AFF3: variants seen among roughly 807,000 people sequenced by gnomAD.
The protein encoded by AFF3 is AF4/FMR2 family member 3.
A neutral mutation model predicts 129.7 loss-of-function variants in AFF3; 32 were observed. That is an observed-to-expected ratio of 0.25 (90% CI 0.19 to 0.33). AFF3 has a LOEUF of 0.33. AFF3 is among the 10% of genes least tolerant of loss of function. The probability of loss-of-function intolerance (pLI) is 1.00; values close to 1 mark genes in which losing one functional copy is unlikely to be tolerated. For synonymous variants in AFF3, 644 were observed against 635.4 expected, an observed-to-expected ratio of 1.01 and a Z score of -0.20; for missense variants, 1,373 against 1,592.0, an observed-to-expected ratio of 0.86 and a Z score of 2.34.
intron 7 of AFF3, among the ~76,000 whole-genome samples, chr2:99,947,601 AAGATAGATAGATAGAT>A (rs70940190): frequency 0.021 from 2,826 of 136,546 alleles, 64 homozygotes; most frequent in African/African-American, 0.044. Context: ...GAAAGAAAGA[AAGATAGATAGATAGAT>A]AGATAGATAG....
At chr2:99,906,060 C>A (rs1470066657) in intron 7 of AFF3, among the ~76,000 whole-genome samples, 4 of 152,192 alleles carry the variant, frequency 2.6e-5, no homozygotes, top group Admixed American at 2.6e-4. Flanking sequence ...ATACTCTGAC[C>A]TATTCCTACT....
At chr2:99,987,831 T>C (rs1185738709) in intron 7 of AFF3, among the ~76,000 whole-genome samples, 1 of 152,256 alleles carries the variant, frequency 6.6e-6, no homozygotes, top group Non-Finnish European at 1.5e-5. Flanking sequence ...ATAAAGTGTA[T>C]TATTTTCTCA....
intron 4 of AFF3, among the ~76,000 whole-genome samples, chr2:100,073,483 G>C (rs1688361064): frequency 6.6e-6 from 1 of 152,192 alleles, no homozygotes. Context: ...CCCCAGGACT[G>C]CCAGGTGACA....
chr2:99,852,856 T>C (rs1481683117), intron 7 of AFF3, among the ~76,000 whole-genome samples: 1 of 152,158 alleles, frequency 6.6e-6, no homozygotes, highest in Non-Finnish European at 1.5e-5. Flanking sequence ...TTAATCATAA[T>C]AGGTGTAAAA....
intron 1 of AFF3, among the ~76,000 whole-genome samples, chr2:100,132,652 C>T (rs1692469901): frequency 6.6e-6 from 1 of 152,132 alleles, no homozygotes; most frequent in Admixed American, 6.5e-5. Context: ...AAGTGAATAA[C>T]CAGACTCTCG....
chr2:99,660,092 A>G (rs1225166052), intron 12 of AFF3, among the ~76,000 whole-genome samples: 1 of 152,138 alleles, frequency 6.6e-6, no homozygotes, highest in Non-Finnish European at 1.5e-5. Flanking sequence ...TATTTTGTTC[A>G]GTTTGCCAAA....
intron 4 of AFF3, among the ~76,000 whole-genome samples, chr2:100,016,627 T>C (rs1172033594): frequency 6.8e-6 from 1 of 147,524 alleles, no homozygotes; most frequent in Non-Finnish European, 1.5e-5. Flanking sequence ...GTGATGGTGG[T>C]GGTGGTGATG....
At chr2:99,737,443 A>ATT (rs59647228) in intron 10 of AFF3, among the ~76,000 whole-genome samples, 1,686 of 150,682 alleles carry the variant, frequency 0.011, 20 homozygotes, top group South Asian at 0.024. Flanking sequence ...GACTCATTAA[A>ATT]TTTTTTTTTT....
chr2:99,846,249 C>G (rs1016789133), intron 7 of AFF3, among the ~76,000 whole-genome samples: 1 of 152,178 alleles, frequency 6.6e-6, no homozygotes, highest in Non-Finnish European at 1.5e-5. Context: ...CCTGTCCCAG[C>G]CTCCCGAGTA....
chr2:99,809,080 T>TA (rs1489788500), intron 8 of AFF3, among the ~76,000 whole-genome samples: 1 of 152,222 alleles, frequency 6.6e-6, no homozygotes, highest in Non-Finnish European at 1.5e-5. Context: ...GGTGCACTCT[T>TA]ACGTCTTTTC....
rs34653301 is a variant in AFF3 at position 99,789,446 on chromosome 2, C to CAAAA, written c.922-37149_922-37146dup. On this transcript the variant is annotated intron_variant, in intron 8 of 24. Transcript: ENST00000672756. ...AGGTAACAGAGTGAGGCCCTGTCAC[C>CAAAA]AAAAAAAAAAAAAAAAAAAAAAAAG... Among the ~76,000 whole-genome samples the CAAAA allele has an allele frequency of 3.1e-3, 195 of 61,916 alleles. 3 individuals are homozygous for CAAAA. The highest frequency in any genetic ancestry group is 7.9e-3 in the African/African-American group (115 of 14,522). 40.6% of individuals were successfully genotyped at this position (61,916 alleles called of 152,430 possible).
chr2:99,633,305 A>G (rs1683303804), intron 13 of AFF3, among the ~76,000 whole-genome samples: 1 of 152,128 alleles, frequency 6.6e-6, no homozygotes, highest in Non-Finnish European at 1.5e-5. Context: ...GAGGTGTCTC[A>G]GCACAGCAGT....
chr2:99,951,874 G>A (rs934875157), intron 7 of AFF3, among the ~76,000 whole-genome samples: 4 of 152,180 alleles, frequency 2.6e-5, no homozygotes, highest in African/African-American at 9.7e-5. Flanking sequence ...TCAAACTCCT[G>A]ACCTCAGGTG....
intron 12 of AFF3, among the ~76,000 whole-genome samples, chr2:99,650,688 A>C (rs1685152794): frequency 6.6e-6 from 1 of 152,154 alleles, no homozygotes; most frequent in Non-Finnish European, 1.5e-5. Context: ...AGCACAGGGC[A>C]GGTTCTTATA....
intron 11 of AFF3, among the ~76,000 whole-genome samples, chr2:99,714,856 A>T (rs1678234239): frequency 6.6e-6 from 1 of 152,342 alleles, no homozygotes; most frequent in African/African-American, 2.4e-5. Context: ...TAATTAAAAA[A>T]TTTTAATGAA....
intron 7 of AFF3, among the ~76,000 whole-genome samples, chr2:99,843,790 T>C (rs1214192402): frequency 6.6e-6 from 1 of 152,180 alleles, no homozygotes; most frequent in African/African-American, 2.4e-5. Flanking sequence ...GTAAACAATT[T>C]AAAAATATTT....
At chr2:99,654,371 C>T (rs1353452557) in intron 12 of AFF3, among the ~76,000 whole-genome samples, 1 of 151,946 alleles carries the variant, frequency 6.6e-6, no homozygotes, top group Non-Finnish European at 1.5e-5. Flanking sequence ...GAGCAAAGGC[C>T]ACCAAGATGT....
At chr2:99,956,364 T>A (rs1211562078) in intron 7 of AFF3, among the ~76,000 whole-genome samples, 1 of 152,062 alleles carries the variant, frequency 6.6e-6, no homozygotes, top group Non-Finnish European at 1.5e-5. Context: ...AGAATGAATA[T>A]TTCCTGAAGC....
At chr2:99,761,815 T>C (rs752734926) in intron 8 of AFF3, among the ~76,000 whole-genome samples, 29 of 152,202 alleles carry the variant, frequency 1.9e-4, no homozygotes, top group Non-Finnish European at 3.7e-4. Flanking sequence ...ACACTTACTA[T>C]GTCACCTTTG....
Sources: allele counts gnomAD v4.1 joint callset (sites outside exome capture counted in the v4.1 genomes callset), GRCh38; gene constraint gnomAD v4.1.1; transcripts MANE v1.5; gene names NCBI Gene and HGNC (gene_info 2026-07-23, HGNC 2026-07-21).